DIP2C: variants seen among roughly 807,000 people sequenced by gnomAD.
DIP2C encodes the protein disco-interacting protein 2 homolog C.
Under a neutral mutation model 192.4 loss-of-function variants are expected in DIP2C, and 33 were observed. The ratio of observed to expected loss-of-function variants is 0.17; its 90% CI spans 0.13 to 0.23. The LOEUF (loss-of-function observed/expected upper bound fraction) is 0.23. Among genes scored for constraint, DIP2C ranks in the 10% least tolerant of loss-of-function variants. The pLI is 1.00. For missense variants in DIP2C, 1,537 were observed against 2,110.1 expected, an observed-to-expected ratio of 0.73 and a Z score of 5.32; for synonymous variants, 979 against 864.1, an observed-to-expected ratio of 1.13 and a Z score of -2.33.
Position 283,412 on chromosome 10 carries a change from T to C in DIP2C, c.4154A>G (p.Tyr1385Cys). Residue 1385 changes from tyrosine to cysteine, a missense_variant, in exon 35 of 37, where the codon TAT becomes TGT. Tyr to Cys is a radical substitution (Grantham distance 194). Transcript: ENST00000280886. ...WVHSAHNASG[Y>C]FTIYGDESLQ... ...GGATTCGTCTCCGTAAATAGTGAAA[T>C]AACCGCTGGCATTGTGGGCACTGTG... 6.2e-7 allele frequency: 1 copy of C among 1,614,174 alleles called. No homozygotes were observed. The highest frequency in any genetic ancestry group is 8.5e-7 in the Non-Finnish European group (1 of 1,180,034).
At chr10:655,965 C>T (rs546406841) in intron 1 of DIP2C, among the ~76,000 whole-genome samples, 2 of 151,222 alleles carry the variant, frequency 1.3e-5, no homozygotes, top group Admixed American at 6.6e-5. Flanking sequence ...CCCTATATAA[C>T]GCTATACTAT....
chr10:511,170 G>A (rs1025934033), intron 1 of DIP2C, among the ~76,000 whole-genome samples: 3 of 152,164 alleles, frequency 2.0e-5, no homozygotes, highest in East Asian at 1.9e-4. Context: ...ACACACTGTC[G>A]CGATGCTGCT....
intron 4 of DIP2C, among the ~76,000 whole-genome samples, chr10:426,085 C>A (rs1302967081): frequency 6.6e-6 from 1 of 152,118 alleles, no homozygotes; most frequent in African/African-American, 2.4e-5. Flanking sequence ...TGCCTTTATT[C>A]ATAGATGACA....
chr10:641,358 G>A (rs188335700), intron 1 of DIP2C, among the ~76,000 whole-genome samples: 48 of 152,114 alleles, frequency 3.2e-4, no homozygotes, highest in South Asian at 2.1e-4. Flanking sequence ...CTCAGACCCC[G>A]CCAGGAACGA....
intron 4 of DIP2C, among the ~76,000 whole-genome samples, chr10:423,718 C>T (rs769651290): frequency 2.6e-5 from 4 of 151,502 alleles, no homozygotes; most frequent in Admixed American, 6.6e-5. Context: ...TTTATTTCTA[C>T]GTCGGTGTGT....
At chr10:471,813 C>T (rs1970653282) in intron 3 of DIP2C, among the ~76,000 whole-genome samples, 1 of 152,124 alleles carries the variant, frequency 6.6e-6, no homozygotes, top group Non-Finnish European at 1.5e-5. Context: ...AGTGCAGTGG[C>T]GTGATCTCGG....
intron 1 of DIP2C, among the ~76,000 whole-genome samples, chr10:536,103 C>G (rs1240954204): frequency 6.6e-6 from 1 of 152,222 alleles, no homozygotes; most frequent in Non-Finnish European, 1.5e-5. Context: ...AGTCCACAAT[C>G]AAGGTGTGGG....
At chr10:416,390 CA>C (rs1337512545) in intron 6 of DIP2C, among the ~76,000 whole-genome samples, 1 of 152,112 alleles carries the variant, frequency 6.6e-6, no homozygotes, top group East Asian at 1.9e-4. Flanking sequence ...CTGGAACCCC[CA>C]GCATCCCACA....
chr10:354,401 C>G (rs1958974737), intron 24 of DIP2C, among the ~76,000 whole-genome samples: 1 of 152,176 alleles, frequency 6.6e-6, no homozygotes, highest in African/African-American at 2.4e-5. Context: ...AAGCCCAGGA[C>G]CATGGCACCA....
rs117024618 is a variant in DIP2C, at chr10:424,933, G to A, written c.395-1900C>T. On this transcript the variant is annotated intron_variant, in intron 4 of 36. Transcript: ENST00000280886. ...ACACGGATGATACAGCATAACCAACGGTGACTAATATGACACAGATGATAC... is the reference window on the plus strand; with the variant it reads ...ACACGGATGATACAGCATAACCAACAGTGACTAATATGACACAGATGATAC... Among the ~76,000 whole-genome samples, 974 of 152,158 alleles carry A rather than the reference G, an allele frequency of 6.4e-3. 12 individuals are homozygous for A. The highest frequency in any genetic ancestry group is 8.4e-3 in the Admixed American group (128 of 15,276).
At position 341,771 on chromosome 10, in the gene DIP2C, C is replaced by G. The variant is rs527918362; in HGVS notation, c.3454-442G>C. 3.9e-5 allele frequency among the ~76,000 whole-genome samples: 6 copies of G among 152,304 alleles called. No homozygotes were observed. In the South Asian group the frequency reaches 1.2e-3, roughly 32 times the overall value. ...GCTCATACCTGTAATCAAAACACTT[C>G]AGGAGGCCAAGGTGGGATGGTCACT... is the stretch of plus-strand genomic sequence containing the variant. On this transcript the variant is annotated intron_variant, in intron 28 of 36. Coordinates refer to ENST00000280886, the MANE Select transcript of DIP2C (RefSeq NM_014974.3).
In DIP2C at chr10:390,486, G is replaced by T. The variant is rs940586994; in HGVS notation, c.1385-113C>A. On this transcript the variant is annotated intron_variant, in intron 11 of 36. Coordinates refer to ENST00000280886, the MANE Select transcript of DIP2C (RefSeq NM_014974.3). ...ACACGTCAACTAGATCGAATCTCTG[G>T]TGTCTCCGGACTTCACGAGATCTAA... 2.6e-6 allele frequency: 3 copies of T among 1,154,010 alleles called. No homozygotes were observed. The African/African-American group carries it at 4.6e-5, about 18-fold the overall frequency. 71.5% of individuals were successfully genotyped at this position (1,154,010 alleles called of 1,614,324 possible).
intron 31 of DIP2C, among the ~76,000 whole-genome samples, chr10:320,117 A>G (rs892020386): frequency 1.3e-5 from 2 of 152,222 alleles, no homozygotes; most frequent in Non-Finnish European, 2.9e-5. Context: ...TAGCTGGTGA[A>G]GATTCACACC....
intron 1 of DIP2C, among the ~76,000 whole-genome samples, chr10:545,166 C>CTTTTTTTTTTTTTTTTTTTTTTTT (rs60185327): frequency 1.2e-5 from 1 of 86,334 alleles, no homozygotes; most frequent in Non-Finnish European, 2.1e-5. Flanking sequence ...GGTGTTTTCC[C>CTTTTTTTTTTTTTTTTTTTTTTTT]TTTTTTTTTT....
chr10:420,270 C>T (rs993731231), intron 5 of DIP2C, among the ~76,000 whole-genome samples: 5 of 152,248 alleles, frequency 3.3e-5, no homozygotes, highest in African/African-American at 4.8e-5. Context: ...CGTGACAGGA[C>T]GCTGCTTTGT....
chr10:451,002 G>A (rs952929647), intron 3 of DIP2C, among the ~76,000 whole-genome samples: 19 of 152,146 alleles, frequency 1.2e-4, no homozygotes, highest in African/African-American at 3.9e-4. Context: ...TAACGGCATC[G>A]TCTAAATTCA....
In DIP2C at chr10:519,824, C is replaced by T. The variant is rs190009201; in HGVS notation, c.86-33294G>A. Among the ~76,000 whole-genome samples the T allele has an allele frequency of 4.6e-4, 70 of 152,352 alleles. No homozygotes were observed. The East Asian group carries it at 0.013, about 27-fold the overall frequency. On this transcript the variant is annotated intron_variant, in intron 1 of 36. Transcript: ENST00000280886. ...ACAGCTGTGACGTGGAGACAGATCC[C>T]AGGCCTCCCCCCTGCTCCTCTACTT...
chr10:519,285 G>A (rs928813999), intron 1 of DIP2C, among the ~76,000 whole-genome samples: 1 of 152,228 alleles, frequency 6.6e-6, no homozygotes, highest in African/African-American at 2.4e-5. Flanking sequence ...GCTGTAAGGG[G>A]ACAGGGGAGC....
At chr10:502,778 G>A (rs552700983) in intron 1 of DIP2C, among the ~76,000 whole-genome samples, 1 of 152,204 alleles carries the variant, frequency 6.6e-6, no homozygotes, top group East Asian at 1.9e-4. Context: ...GCACACAGAG[G>A]ATGTGTATGA....
Sources: gnomAD v4.1 joint callset for allele counts (sites outside exome capture counted in the v4.1 genomes callset) on GRCh38, gnomAD v4.1.1 for gene constraint, MANE v1.5 for transcripts, NCBI Gene and HGNC (gene_info 2026-07-23, HGNC 2026-07-21) for gene names.